The following SLC38A8 variants were observed in gnomAD, a reference collection of about 807,000 sequenced individuals.
SLC38A8 encodes amino acid transporter SLC38A8.
In SLC38A8, 65 loss-of-function variants were observed where a neutral mutation model predicts 46.0. The observed-to-expected ratio is 1.41, with a 90% CI of 1.16 to 1.74. SLC38A8 has a LOEUF of 1.74. Among genes scored for constraint, SLC38A8 ranks in the 40% most tolerant of loss-of-function variants. The probability of loss-of-function intolerance (pLI) is 0.00; values close to 1 mark genes in which losing one functional copy is unlikely to be tolerated. For missense variants in SLC38A8, 998 were observed against 567.9 expected, an observed-to-expected ratio of 1.76 and a Z score of -7.70; for synonymous variants, 447 against 243.7, an observed-to-expected ratio of 1.83 and a Z score of -7.77.
chr16:84,010,738 C>T (rs988560471), intron 10 of SLC38A8, among the ~76,000 whole-genome samples: 1 of 152,064 alleles, frequency 6.6e-6, no homozygotes, highest in South Asian at 2.1e-4. Context: ...AGCAAGACTC[C>T]ATCTCAAAAA....
At chr16:84,033,886 T>C (rs577565368) in intron 3 of SLC38A8, among the ~76,000 whole-genome samples, 83 of 152,312 alleles carry the variant, frequency 5.4e-4, no homozygotes, top group Non-Finnish European at 1.1e-3. Context: ...TGCATGAGCA[T>C]TGTAGGTCCT....
intron 3 of SLC38A8, among the ~76,000 whole-genome samples, chr16:84,035,030 G>A (rs1165296588): frequency 6.6e-6 from 1 of 152,146 alleles, no homozygotes; most frequent in African/African-American, 2.4e-5. Flanking sequence ...CTACAGAGAG[G>A]CATCCCCAAA....
chr16:84,025,081 G>C (rs976561349), intron 6 of SLC38A8, among the ~76,000 whole-genome samples: 3 of 152,158 alleles, frequency 2.0e-5, no homozygotes, highest in Non-Finnish European at 2.9e-5. Flanking sequence ...GGTGATTCAC[G>C]AACAGCCAAG....
intron 9 of SLC38A8, among the ~76,000 whole-genome samples, chr16:84,013,526 G>A (rs567815013): frequency 6.9e-5 from 10 of 144,954 alleles, no homozygotes; most frequent in Admixed American, 1.4e-4. Flanking sequence ...CACCTCCCGG[G>A]TTCAAGTCAT....
At chr16:84,036,665 C>T (rs752225245) in intron 3 of SLC38A8, 37 bp downstream of exon 3, 2 of 1,611,168 alleles carry the variant, frequency 1.2e-6, no homozygotes, top group South Asian at 2.2e-5. Flanking sequence ...AGAGGTCCGG[C>T]ACCCTGGGCC....
At chr16:84,017,681 C>A (rs770787196) in intron 7 of SLC38A8, among the ~76,000 whole-genome samples, 2 of 152,200 alleles carry the variant, frequency 1.3e-5, no homozygotes, top group African/African-American at 2.4e-5. Flanking sequence ...ATGGGGAAAA[C>A]CAAGAGCCAG....
intron 7 of SLC38A8, 68 bp from the exon 8 acceptor site, chr16:84,017,355 G>A: frequency 1.3e-6 from 2 of 1,570,962 alleles, no homozygotes; most frequent in Non-Finnish European, 1.7e-6. Context: ...CCCACCAACA[G>A]ACAGACAGCG....
In SLC38A8 at chr16:84,032,947, G is replaced by T. The variant is rs1445199173; in HGVS notation, c.530+381C>A. On this transcript the variant is annotated intron_variant, in intron 4 of 10. Transcript: ENST00000299709. ...GTGGGTACGTGGGTGTGCATGGGTG[G>T]GTGTGGGTAGGTGGGTGTGCATGGG... is the stretch of plus-strand genomic sequence containing the variant. Among the ~76,000 whole-genome samples the T allele has an allele frequency of 2.2e-5, 3 of 138,022 alleles. No individual in the cohort carries two copies. In the East Asian group the frequency reaches 6.3e-4, roughly 29 times the overall value. The allele number at this position is 138,022 out of a possible 152,430, so 90.5% of individuals were successfully genotyped here.
intron 7 of SLC38A8, among the ~76,000 whole-genome samples, 162 bp from the exon 8 acceptor site, chr16:84,017,449 T>A (rs544593462): frequency 6.6e-6 from 1 of 152,316 alleles, no homozygotes; most frequent in Admixed American, 6.5e-5. Context: ...GTCCTAAGCC[T>A]ACACATGACT....
intron 7 of SLC38A8, 112 bp from the exon 8 acceptor site, chr16:84,017,399 C>G (rs1172409627): frequency 2.3e-6 from 3 of 1,300,972 alleles, no homozygotes; most frequent in African/African-American, 1.5e-5. Flanking sequence ...TCCTTAGGAG[C>G]TGAAAGAAGG....
chr16:84,036,844 G>A lies in SLC38A8; in HGVS notation c.246C>T (p.Val82=), dbSNP rs757829687. The change falls in exon 3 of 11, where the codon GTC becomes GTT. Residue 82 remains valine (V), a synonymous_variant. Transcript: ENST00000299709. The part of the protein sequence containing the change: ...GLVILGYAAA[V]SGQATYQGVV... ...CACCCTGGTAGGTGGCCTGGCCACTGACAGCAGCAGCATAGCCCAGGATGA... is the reference window on the plus strand; with the variant it reads ...CACCCTGGTAGGTGGCCTGGCCACTAACAGCAGCAGCATAGCCCAGGATGA... 6.2e-7 allele frequency: 1 copy of A among 1,613,812 alleles called. No individual in the cohort carries two copies. The highest frequency in any genetic ancestry group is 8.5e-7 in the Non-Finnish European group (1 of 1,180,012).
chr16:84,026,715 ATAT>A (rs1056388054), intron 6 of SLC38A8, among the ~76,000 whole-genome samples: 2 of 152,202 alleles, frequency 1.3e-5, no homozygotes, highest in African/African-American at 2.4e-5. Flanking sequence ...ACACAATGGA[ATAT>A]TATTTGACCA....
intron 7 of SLC38A8, 56 bp downstream of exon 7, chr16:84,022,719 T>G: frequency 8.1e-7 from 1 of 1,227,352 alleles, no homozygotes; most frequent in Non-Finnish European, 1.2e-6. Flanking sequence ...TCGCTGTTAC[T>G]CTTGTTTCTA....
intron 3 of SLC38A8, among the ~76,000 whole-genome samples, chr16:84,034,669 A>T (rs1210423823): frequency 6.6e-6 from 1 of 152,236 alleles, no homozygotes; most frequent in East Asian, 1.9e-4. Context: ...GCTCAAGCGT[A>T]CGAAATGATG....
At chr16:84,026,688 T>G (rs1018984609) in intron 6 of SLC38A8, among the ~76,000 whole-genome samples, 1 of 152,136 alleles carries the variant, frequency 6.6e-6, no homozygotes. Context: ...GGACAGGGGA[T>G]AAAGCGCAGC....
At chr16:84,029,700 C>A (rs1022616641) in intron 5 of SLC38A8, 149 bp from the exon 6 acceptor site, 13 of 764,140 alleles carry the variant, frequency 1.7e-5, no homozygotes, top group Non-Finnish European at 2.8e-5. Context: ...CGTGACCGGG[C>A]TTTTGGAAAT....
intron 8 of SLC38A8, 28 bp downstream of exon 8, chr16:84,017,112 C>T (rs767060771): frequency 3.3e-5 from 53 of 1,612,152 alleles, no homozygotes; most frequent in East Asian, 3.1e-4. Flanking sequence ...CCATGCTTCA[C>T]GGTGCCCCCC....
intron 7 of SLC38A8, among the ~76,000 whole-genome samples, chr16:84,020,053 T>G (rs1479400603): frequency 6.6e-6 from 1 of 152,090 alleles, no homozygotes; most frequent in Admixed American, 6.6e-5. Flanking sequence ...GTAGTCCCAG[T>G]GGCAGTCCCA....
At chr16:84,031,830 C>T (rs372073991) in intron 5 of SLC38A8, 37 bp downstream of exon 5, 9 of 1,586,946 alleles carry the variant, frequency 5.7e-6, no homozygotes, top group Non-Finnish European at 4.3e-6. Flanking sequence ...CCGTGCCTCC[C>T]CGCCGAGGCT....
Sources: allele counts gnomAD v4.1 joint callset (sites outside exome capture counted in the v4.1 genomes callset), GRCh38; gene constraint gnomAD v4.1.1; transcripts MANE v1.5; gene names NCBI Gene and HGNC (gene_info 2026-07-23, HGNC 2026-07-21).